Variants in AMPH observed in about 807,000 individuals in gnomAD.
The protein encoded by AMPH is amphiphysin (Stiff-Mann syndrome with breast cancer 128kD autoantigen).
A neutral mutation model predicts 99.1 loss-of-function variants in AMPH; 49 were observed. The observed-to-expected ratio is 0.49, with a 90% confidence interval of 0.39 to 0.63. The LOEUF (loss-of-function observed/expected upper bound fraction) is 0.63. Ranked by LOEUF, AMPH falls within the 20% of genes least tolerant of loss-of-function variation. AMPH has a pLI of 0.00. For missense variants in AMPH, 759 were observed against 863.4 expected, an observed-to-expected ratio of 0.88 and a Z score of 1.52; for synonymous variants, 314 against 317.3, an observed-to-expected ratio of 0.99 and a Z score of 0.11.
At chr7:38,542,059 A>G (rs146936931) in intron 1 of AMPH, among the ~76,000 whole-genome samples, 1 of 152,166 alleles carries the variant, frequency 6.6e-6, no homozygotes, top group Admixed American at 6.5e-5. Flanking sequence ...AGAAAAAAAA[A>G]TATTGGTGGG....
intron 17 of AMPH, among the ~76,000 whole-genome samples, chr7:38,407,756 TAC>T (rs1385680190): frequency 1.3e-5 from 2 of 152,206 alleles, no homozygotes; most frequent in Non-Finnish European, 2.9e-5. Flanking sequence ...GAACACTTTA[TAC>T]TACAGTTAGA....
At chr7:38,416,703 A>G (rs867171578) in intron 17 of AMPH, among the ~76,000 whole-genome samples, 7 of 152,192 alleles carry the variant, frequency 4.6e-5, no homozygotes, top group South Asian at 2.1e-4. Context: ...TTGGACACCA[A>G]GTGAAAAAGC....
At position 38,419,394 on chromosome 7, in the gene AMPH, AG is replaced by A. The variant is rs1057439240; in HGVS notation, c.1273-1445del. On this transcript the variant is annotated intron_variant, in intron 16 of 20. Coordinates refer to ENST00000356264, the MANE Select transcript of AMPH (RefSeq NM_001635.4). The stretch of plus-strand genomic sequence containing the variant: ...GGATCACACGACTATTCTTTTCAAA[AG>A]GACATAATAAATTCAAGGGACTGGT... Among the ~76,000 whole-genome samples, 14 of 149,314 alleles carry A rather than the reference AG, an allele frequency of 9.4e-5. No individual in the cohort carries two copies. The Admixed American group carries it at 9.4e-4, about 10-fold the overall frequency.
In AMPH at chr7:38,436,307, C is replaced by G. The variant is rs776281084; in HGVS notation, c.1099G>C (p.Gly367Arg). The G allele has an allele frequency of 6.2e-7, 1 of 1,614,188 alleles. No homozygotes were observed. The highest frequency in any genetic ancestry group is 1.1e-5 in the South Asian group (1 of 91,084). Reference sequence around the variant, plus strand: ...GGTGAGTGGGTCACTCCAGCAGAACCTGCAGGTGTCACCTCGGGCTTGAAA... The same window carrying G: ...GGTGAGTGGGTCACTCCAGCAGAACGTGCAGGTGTCACCTCGGGCTTGAAA... ...DPFKPEVTPA[G>R]SAGVTHSPMS... The change falls in exon 12 of 21, where the codon GGT (glycine) becomes CGT (arginine). Residue 367 changes from glycine to arginine, a missense_variant. By Grantham distance (125) the Gly-to-Arg change is moderately radical. Transcript: ENST00000356264.
At chr7:38,587,644 T>C (rs1323604385) in intron 1 of AMPH, among the ~76,000 whole-genome samples, 1 of 152,150 alleles carries the variant, frequency 6.6e-6, no homozygotes, top group Non-Finnish European at 1.5e-5. Flanking sequence ...TTAGCAAATG[T>C]CTTACATAAT....
At chr7:38,430,693 G>A (rs1477819061) in intron 13 of AMPH, among the ~76,000 whole-genome samples, 1 of 152,196 alleles carries the variant, frequency 6.6e-6, no homozygotes, top group Non-Finnish European at 1.5e-5. Flanking sequence ...GAATTCAAAT[G>A]ACTCGAACAT....
chr7:38,420,997 C>T (rs1324781158), intron 16 of AMPH: 2 of 456,654 alleles, frequency 4.4e-6, no homozygotes, highest in Admixed American at 2.3e-5. Flanking sequence ...CACTGGGAGA[C>T]ATCAGTTCAC....
chr7:38,389,867 A>T lies in AMPH; in HGVS notation c.1917T>A (p.Asp639Glu), dbSNP rs1211800333. Residue 639 changes from aspartate (D) to glutamate (E), a missense_variant, in exon 20 of 21, where the codon GAT (aspartate) becomes GAA (glutamate). Asp to Glu is a conservative substitution (Grantham distance 45, BLOSUM62 2). Transcript: ENST00000356264. ...CATCACCCCTTTGTAAGGTAAGTTC[A>T]TCAGAATTTGCTGCCTCAAAATCAT... ...TLHDFEAANSDELTLQRGDVV... is the reference protein window; with the variant it reads ...TLHDFEAANSEELTLQRGDVV... 1 of 1,613,976 alleles carries T rather than the reference A, an allele frequency of 6.2e-7. No homozygotes were observed. Among genetic ancestry groups the T allele is most frequent in the South Asian group, 1.1e-5 (1 of 91,082 alleles).
intron 1 of AMPH, among the ~76,000 whole-genome samples, chr7:38,554,211 T>G (rs2129046838): frequency 6.6e-6 from 1 of 152,318 alleles, no homozygotes; most frequent in Admixed American, 6.5e-5. Context: ...TTGTGCACAT[T>G]ATGATTTCTG....
chr7:38,575,742 T>C (rs780909628), intron 1 of AMPH, among the ~76,000 whole-genome samples: 10 of 152,190 alleles, frequency 6.6e-5, no homozygotes, highest in Non-Finnish European at 8.8e-5. Context: ...GGGCAGTTCT[T>C]TATAGCAGCA....
intron 3 of AMPH, 67 bp from the exon 4 acceptor site, chr7:38,494,594 A>G: frequency 4.9e-6 from 7 of 1,421,782 alleles, no homozygotes; most frequent in Non-Finnish European, 6.9e-6. Context: ...CCCTTCCTCC[A>G]CTTTCTTAAG....
chr7:38,479,046 T>C (rs1338675219), intron 5 of AMPH, among the ~76,000 whole-genome samples: 7 of 151,988 alleles, frequency 4.6e-5, no homozygotes, highest in Non-Finnish European at 1.5e-5. Context: ...TAATAAGCAA[T>C]ATTTCAAGAG....
intron 1 of AMPH, among the ~76,000 whole-genome samples, chr7:38,625,346 T>C (rs954596581): frequency 1.3e-5 from 2 of 152,150 alleles, no homozygotes; most frequent in Non-Finnish European, 2.9e-5. Context: ...ATTTGACATA[T>C]CTGATGAAGC....
intron 11 of AMPH, among the ~76,000 whole-genome samples, chr7:38,455,109 T>A (rs1787180237): frequency 6.6e-6 from 1 of 152,114 alleles, no homozygotes; most frequent in African/African-American, 2.4e-5. Context: ...GATGGAGTTT[T>A]GCTCTCGTTG....
At chr7:38,395,035 G>A (rs544455417) in intron 17 of AMPH, among the ~76,000 whole-genome samples, 36 of 152,222 alleles carry the variant, frequency 2.4e-4, no homozygotes, top group African/African-American at 8.2e-4. Context: ...TGACTAAGAC[G>A]TGCCTTGGTC....
Position 38,384,061 on chromosome 7 carries a change from A to G in AMPH, c.*757T>C, listed in dbSNP as rs1358310304. ...CCTCAGTGTAGTCGTGCTATCTGTC[A>G]TCTCATCCTGAAAACTGCACAGTAC... On this transcript the variant is annotated 3_prime_UTR_variant, in exon 21 of 21. Coordinates refer to ENST00000356264, the MANE Select transcript of AMPH (RefSeq NM_001635.4). 2.0e-5 allele frequency: 3 copies of G among 152,370 alleles called. No homozygotes were observed. The highest frequency in any genetic ancestry group is 4.4e-5 in the Non-Finnish European group (3 of 68,058). The allele number at this position is 152,370 out of a possible 1,614,324, so 9.4% of individuals were successfully genotyped here. A position where few individuals can be genotyped will look rare whatever the true frequency, so the allele number is the denominator to read the frequency against.
At chr7:38,516,830 C>T (rs1320863793) in intron 2 of AMPH, among the ~76,000 whole-genome samples, 2 of 152,210 alleles carry the variant, frequency 1.3e-5, no homozygotes, top group East Asian at 1.9e-4. Flanking sequence ...GGGAGCCCAC[C>T]CCTTGTGTCA....
In AMPH at chr7:38,501,567, T is replaced by C. The variant is rs531604334; in HGVS notation, c.205+2083A>G. ...AGCTGCCATGAGAATTAAAATGATA[T>C]GCCTGGACTATAAAATTCATAAATA... On this transcript the variant is annotated intron_variant, in intron 3 of 20. Coordinates refer to ENST00000356264, the MANE Select transcript of AMPH (RefSeq NM_001635.4). 2.6e-5 allele frequency among the ~76,000 whole-genome samples: 4 copies of C among 152,332 alleles called. No individual in the cohort carries two copies. In the South Asian group the frequency reaches 8.3e-4, roughly 32 times the overall value.
At chr7:38,491,654 A>G (rs1270812593) in intron 4 of AMPH, among the ~76,000 whole-genome samples, 1 of 152,252 alleles carries the variant, frequency 6.6e-6, no homozygotes, top group Non-Finnish European at 1.5e-5. Context: ...AGGTATTACT[A>G]TTATTACAAC....
Sources: gnomAD v4.1 joint callset for allele counts (sites outside exome capture counted in the v4.1 genomes callset) on GRCh38, gnomAD v4.1.1 for gene constraint, MANE v1.5 for transcripts, NCBI Gene and HGNC (gene_info 2026-07-23, HGNC 2026-07-21) for gene names.